The following CYP2J2 variants were observed in gnomAD, a reference collection of about 807,000 sequenced individuals.
The protein encoded by CYP2J2 is cytochrome P450 family 2 subfamily J member 2, also known as cytochrome P450 2J2.
A neutral mutation model predicts 48.8 loss-of-function variants in CYP2J2; 41 were observed. The observed-to-expected ratio is 0.84, with a 90% CI of 0.66 to 1.09. CYP2J2 has a LOEUF of 1.09. Ranked by LOEUF, CYP2J2 falls within the 50% of genes least tolerant of loss-of-function variation. CYP2J2 has a pLI of 0.00. For synonymous variants in CYP2J2, 221 were observed against 227.1 expected (o/e 0.97, Z 0.24); for missense variants, 644 against 617.3 (o/e 1.04, Z -0.46).
At chr1:59,947,943 C>T in the CYP2J2 span, among the ~76,000 whole-genome samples, 3 of 152,150 alleles carry the variant, frequency 2.0e-5, no homozygotes, top group Non-Finnish European at 2.9e-5. Context: ...GTCTCTGCCA[C>T]TAAGAGCCTG....
At chr1:59,919,047 A>G (rs568938775) in intron 1 of CYP2J2, among the ~76,000 whole-genome samples, 30 of 152,306 alleles carry the variant, frequency 2.0e-4, no homozygotes, top group African/African-American at 7.2e-4. Context: ...TGAAAAGAGG[A>G]AAAGAAAAAC....
upstream of CYP2J2, among the ~76,000 whole-genome samples, chr1:59,929,824 G>A (rs564916281): frequency 4.3e-4 from 66 of 152,270 alleles, 1 homozygote; most frequent in African/African-American, 1.1e-3. Context: ...ATACAATGGC[G>A]AGAAAAGAGC....
At chr1:59,928,041 A>G (rs1644583551), upstream of CYP2J2, among the ~76,000 whole-genome samples, 1 of 152,220 alleles carries the variant, frequency 6.6e-6, no homozygotes, top group Non-Finnish European at 1.5e-5. Flanking sequence ...TCTACAACTC[A>G]GTATTATGTG....
At chr1:59,955,818 A>G in the CYP2J2 span, among the ~76,000 whole-genome samples, 11,530 of 149,840 alleles carry the variant, frequency 0.077, 472 homozygotes, top group African/African-American at 0.11. Context: ...TTAAAAGAAA[A>G]GGAAAGGCTG....
chr1:59,930,174 T>C (rs934764797), upstream of CYP2J2, among the ~76,000 whole-genome samples: 1 of 152,218 alleles, frequency 6.6e-6, no homozygotes, highest in African/African-American at 2.4e-5. Flanking sequence ...TTGAGTTGTG[T>C]CCACCTGTTG....
At chr1:59,938,645 C>T in the CYP2J2 span, among the ~76,000 whole-genome samples, 1 of 152,116 alleles carries the variant, frequency 6.6e-6, no homozygotes, top group Non-Finnish European at 1.5e-5. Context: ...CATTCCGTTC[C>T]CAGGGGCAGG....
At chr1:59,927,447 C>A (rs551689299), upstream of CYP2J2, among the ~76,000 whole-genome samples, 1 of 152,308 alleles carries the variant, frequency 6.6e-6, no homozygotes, top group African/African-American at 2.4e-5. Context: ...CTCCAGGTTC[C>A]AGCCTTTCAT....
At chr1:59,952,204 A>G in the CYP2J2 span, among the ~76,000 whole-genome samples, 3 of 152,048 alleles carry the variant, frequency 2.0e-5, no homozygotes, top group East Asian at 5.8e-4. Context: ...AGGGCTTCCC[A>G]TGAGCCAGTA....
the CYP2J2 span, among the ~76,000 whole-genome samples, chr1:59,943,446 A>G: frequency 2.6e-5 from 4 of 152,198 alleles, no homozygotes; most frequent in Admixed American, 6.5e-5. Flanking sequence ...GTGAGAAAAT[A>G]CGGATGGAGA....
At chr1:59,914,422 C>G (rs981312877) in intron 2 of CYP2J2, among the ~76,000 whole-genome samples, 4 of 152,170 alleles carry the variant, frequency 2.6e-5, no homozygotes, top group Non-Finnish European at 5.9e-5. Context: ...CCATTTTGAC[C>G]TGTACCCTGA....
At chr1:59,900,118 T>TA (rs1251999889) in intron 8 of CYP2J2, among the ~76,000 whole-genome samples, 6 of 152,320 alleles carry the variant, frequency 3.9e-5, no homozygotes, top group African/African-American at 4.8e-5. Context: ...AATTAGATTT[T>TA]AAAAAATGAA....
intron 8 of CYP2J2, among the ~76,000 whole-genome samples, chr1:59,897,718 G>C (rs1294995000): frequency 6.6e-6 from 1 of 152,192 alleles, no homozygotes; most frequent in African/African-American, 2.4e-5. Context: ...TTGCTGCTTT[G>C]ATGGATCAAA....
chr1:59,956,206 G>A, the CYP2J2 span, among the ~76,000 whole-genome samples: 2 of 151,988 alleles, frequency 1.3e-5, no homozygotes, highest in Non-Finnish European at 2.9e-5. Flanking sequence ...CTGGGTGTTC[G>A]ATATACTATC....
chr1:59,939,724 G>A, the CYP2J2 span, among the ~76,000 whole-genome samples: 18 of 152,188 alleles, frequency 1.2e-4, no homozygotes, highest in Non-Finnish European at 2.5e-4. Context: ...AGGGACTAAA[G>A]TCAAAAGCCT....
At chr1:59,926,838 C>T, upstream of CYP2J2, 1 of 1,226,576 alleles carries the variant, frequency 8.2e-7, no homozygotes, top group Non-Finnish European at 1.2e-6. Flanking sequence ...CAGCCGTGCC[C>T]CGCCTCCCAG....
Position 59,907,796 on chromosome 1 carries a change from T to G in CYP2J2, c.993A>C (p.Pro331=). The change falls in exon 6 of 9, where the codon CCA becomes CCC. Residue 331 remains proline (P), a synonymous_variant. Coordinates refer to ENST00000371204, the MANE Select transcript of CYP2J2 (RefSeq NM_000775.4). ...RWALLYMALY[P]EIQEKVQAEI... ...CACTGACATGCTCACCTTGGATTTC[T>G]GGGTAGAGGGCCATATAAAGCAGAG... 1 of 1,613,942 alleles carries G rather than the reference T, an allele frequency of 6.2e-7. No individual in the cohort carries two copies. Among genetic ancestry groups the G allele is most frequent in the Non-Finnish European group, 8.5e-7 (1 of 1,179,890 alleles).
chr1:59,917,076 C>T (rs778603656), intron 1 of CYP2J2, among the ~76,000 whole-genome samples: 5 of 152,156 alleles, frequency 3.3e-5, no homozygotes, highest in African/African-American at 2.4e-5. Flanking sequence ...ATAGTTCAAT[C>T]GTTTTCGGCT....
At chr1:59,952,851 T>G in the CYP2J2 span, among the ~76,000 whole-genome samples, 2 of 152,174 alleles carry the variant, frequency 1.3e-5, no homozygotes, top group Non-Finnish European at 2.9e-5. Context: ...CTACCTATCT[T>G]TTGTTTGCAT....
rs781226105 is a variant in CYP2J2, at chr1:59,926,740, C to T, written c.7G>A (p.Ala3Thr). ...GCAGCCGCCAGAGAGCCCATCGCCG[C>T]GAGCATGGCTCAGACGTCCTCCTGC... Reference protein sequence around the residue: MLAAMGSLAAALW... With the variant: MLTAMGSLAAALW... Residue 3 changes from alanine (A) to threonine (T), a missense_variant, in exon 1 of 9, where the codon GCG (alanine) becomes ACG (threonine). Coordinates refer to ENST00000371204, the MANE Select transcript of CYP2J2 (RefSeq NM_000775.4). 1 of 1,612,812 alleles carries T rather than the reference C, an allele frequency of 6.2e-7. No homozygotes were observed. The highest frequency in any genetic ancestry group is 8.5e-7 in the Non-Finnish European group (1 of 1,179,504).
Sources: gnomAD v4.1 joint callset for allele counts (sites outside exome capture counted in the v4.1 genomes callset) on GRCh38, gnomAD v4.1.1 for gene constraint, MANE v1.5 for transcripts, NCBI Gene and HGNC (gene_info 2026-07-23, HGNC 2026-07-21) for gene names.